Variants in KANK4 observed in about 807,000 individuals in gnomAD.
The protein encoded by KANK4 is KN motif and ankyrin repeat domain-containing protein 4.
KANK4 carries 50 observed loss-of-function variants against 80.8 expected under a neutral mutation model. That is an observed-to-expected ratio of 0.62 (90% confidence interval 0.49 to 0.78). The LOEUF (loss-of-function observed/expected upper bound fraction) is 0.78, where lower values mean the gene tolerates loss of function less well. Ranked by LOEUF, KANK4 falls within the 30% of genes least tolerant of loss-of-function variation. KANK4 has a pLI of 0.00. For missense variants in KANK4, 1,196 were observed against 1,240.1 expected, an observed-to-expected ratio of 0.96 and a Z score of 0.53; for synonymous variants, 465 against 506.9, an observed-to-expected ratio of 0.92 and a Z score of 1.11.
At chr1:62,272,934 GCTC>G in intron 3 of KANK4, 1 of 255,998 alleles carries the variant, frequency 3.9e-6, no homozygotes, top group Non-Finnish European at 7.3e-6. Context: ...GGGATTACAG[GCTC>G]CTGCCACCAT....
rs750293657 is a variant in KANK4, at chr1:62,273,461, G to C, written c.1643C>G (p.Pro548Arg). ...CGTTGGCGAGCTTGGTGGCCTTCCC[G>C]GGTGCTCCTTCCCTGGGAGATTGGA... The part of the protein sequence containing the change: ...TSSNLPGKEH[P>R]GRPPSSPTDA... Residue 548 changes from proline (P) to arginine (R), a missense_variant, in exon 3 of 10, where the codon CCG (proline) becomes CGG (arginine). Transcript: ENST00000371153. The C allele has an allele frequency of 1.2e-6, 2 of 1,613,900 alleles. No homozygotes were observed. Among genetic ancestry groups the C allele is most frequent in the Non-Finnish European group, 8.5e-7 (1 of 1,179,916 alleles).
chr1:62,305,453 C>T (rs183157546), intron 1 of KANK4, among the ~76,000 whole-genome samples: 4 of 152,140 alleles, frequency 2.6e-5, no homozygotes, highest in East Asian at 3.9e-4. Context: ...GGATTACAGG[C>T]GCCTGCCACC....
chr1:62,271,532 C>T lies in KANK4; in HGVS notation c.1958G>A (p.Arg653His), dbSNP rs141595340. 142 of 1,613,976 alleles carry T rather than the reference C, an allele frequency of 8.8e-5. No individual in the cohort carries two copies. The highest frequency in any genetic ancestry group is 2.7e-4 in the Admixed American group (16 of 60,002). ...SIMKKKDYGFRAGGNGTKKNL... is the reference protein window; with the variant it reads ...SIMKKKDYGFHAGGNGTKKNL... Reference sequence around the variant, plus strand: ...CTTTTTGGTCCCATTACCTCCTGCACGGAAGCCATAGTCTTTCTTTTTCAT... The same window carrying T: ...CTTTTTGGTCCCATTACCTCCTGCATGGAAGCCATAGTCTTTCTTTTTCAT... The change falls in exon 4 of 10, where the codon CGT becomes CAT. Residue 653 changes from arginine to histidine, a missense_variant. Arg to His is a conservative substitution (Grantham distance 29, BLOSUM62 0). Transcript: ENST00000371153.
chr1:62,254,639 C>T (rs1240916973), intron 7 of KANK4, among the ~76,000 whole-genome samples: 2 of 150,804 alleles, frequency 1.3e-5, no homozygotes, highest in Admixed American at 6.6e-5. Flanking sequence ...CTGCAACCTC[C>T]GCCTCCTGGG....
At chr1:62,309,454 A>C (rs1293049049) in intron 1 of KANK4, among the ~76,000 whole-genome samples, 1 of 152,216 alleles carries the variant, frequency 6.6e-6, no homozygotes, top group Non-Finnish European at 1.5e-5. Context: ...AATCCTCGAC[A>C]CACCAGTGAA....
At chr1:62,251,315 T>C (rs1176604256) in intron 8 of KANK4, among the ~76,000 whole-genome samples, 4 of 152,096 alleles carry the variant, frequency 2.6e-5, no homozygotes, top group Non-Finnish European at 5.9e-5. Context: ...GGCACAGAAG[T>C]CTCATGTCTT....
intron 7 of KANK4, among the ~76,000 whole-genome samples, chr1:62,260,565 A>G (rs1671861123): frequency 6.6e-6 from 1 of 151,944 alleles, no homozygotes; most frequent in Non-Finnish European, 1.5e-5. Flanking sequence ...AAGACACCCC[A>G]TCGCTGCCTT....
chr1:62,262,322 A>G (rs1301883039), intron 7 of KANK4, among the ~76,000 whole-genome samples: 1 of 152,202 alleles, frequency 6.6e-6, no homozygotes, highest in Non-Finnish European at 1.5e-5. Flanking sequence ...CATCACAGGA[A>G]TGCTGTGAAG....
At chr1:62,310,224 C>T (rs958992635) in intron 1 of KANK4, among the ~76,000 whole-genome samples, 2 of 152,236 alleles carry the variant, frequency 1.3e-5, no homozygotes, top group Non-Finnish European at 2.9e-5. Context: ...CACCCAGGGC[C>T]TGCCACCTGC....
chr1:62,253,409 C>CTTTTTTTTTTTTTTTT (rs34488630), intron 7 of KANK4, among the ~76,000 whole-genome samples, 200 bp from the exon 8 acceptor site: 2 of 110,982 alleles, frequency 1.8e-5, no homozygotes, highest in Non-Finnish European at 3.5e-5. Context: ...TTCTTTCTTT[C>CTTTTTTTTTTTTTTTT]TTTTTTTTTT....
intron 9 of KANK4, among the ~76,000 whole-genome samples, chr1:62,240,914 G>A (rs1041070440): frequency 6.6e-5 from 10 of 152,042 alleles, no homozygotes; most frequent in African/African-American, 2.4e-4. Context: ...ACAGAATTCT[G>A]AACTCTAAAC....
rs764675424 is a variant in KANK4, at chr1:62,267,919, G to A, written c.2231+368C>T. Among the ~76,000 whole-genome samples, 21 of 152,240 alleles carry A rather than the reference G, an allele frequency of 1.4e-4. 1 individual carries two copies. The highest frequency in any genetic ancestry group is 3.4e-4 in the African/African-American group (14 of 41,550). ...CCAGGGTCCCTATTCTGCTAGCTGC[G>A]TCCCCACACTTCCCTAAGTCTCTGT... On this transcript the variant is annotated intron_variant, in intron 5 of 9. Coordinates refer to ENST00000371153, the MANE Select transcript of KANK4 (RefSeq NM_181712.5).
chr1:62,247,446 A>T, intron 9 of KANK4, 26 bp downstream of exon 9: 1 of 1,608,850 alleles, frequency 6.2e-7, no homozygotes, highest in Non-Finnish European at 8.5e-7. Flanking sequence ...AGCAACAGCT[A>T]CTTGTTAATT....
chr1:62,266,683 G>T, intron 6 of KANK4, 49 bp downstream of exon 6: 1 of 1,297,132 alleles, frequency 7.7e-7, no homozygotes, highest in Admixed American at 1.7e-5. Context: ...CAGAGCTAAC[G>T]TCTTAAACAG....
intron 3 of KANK4, 187 bp from the exon 4 acceptor site, chr1:62,271,776 T>C: frequency 1.8e-6 from 1 of 544,534 alleles, no homozygotes; most frequent in Non-Finnish European, 3.3e-6. Context: ...CTGCTCAATG[T>C]TGGGAGAACT....
chr1:62,311,063 G>A (rs1161461458), intron 1 of KANK4, among the ~76,000 whole-genome samples: 3 of 152,098 alleles, frequency 2.0e-5, no homozygotes, highest in African/African-American at 7.2e-5. Context: ...AACAAGCAAA[G>A]GCCAGAGAGA....
chr1:62,282,418 C>A (rs1195221441), intron 1 of KANK4, among the ~76,000 whole-genome samples: 2 of 152,126 alleles, frequency 1.3e-5, no homozygotes, highest in Admixed American at 1.3e-4. Flanking sequence ...CCACATACAT[C>A]AGAATAATGA....
Position 62,274,246 on chromosome 1 carries a change from C to A in KANK4, c.858G>T (p.Pro286=). Residue 286 remains proline, a synonymous_variant, in exon 3 of 10, where the codon CCG becomes CCT. Coordinates refer to ENST00000371153, the MANE Select transcript of KANK4 (RefSeq NM_181712.5). ...CAGGGATGGGTGATGGCAGAGGTGG[C>A]GGGCTTGGCGTAGGGGAGCCAGGGG... ...LFTPGSPTPS[P]PPLPSPIPEN... 3 of 1,613,824 alleles carry A rather than the reference C, an allele frequency of 1.9e-6. No homozygotes were observed. The highest frequency in any genetic ancestry group is 1.1e-5 in the South Asian group (1 of 91,028).
chr1:62,317,054 C>T (rs1054529188), intron 1 of KANK4, among the ~76,000 whole-genome samples: 2 of 152,126 alleles, frequency 1.3e-5, no homozygotes, highest in East Asian at 1.9e-4. Flanking sequence ...GCAAAGGCAA[C>T]GCGTGGCCCA....
Sources: allele counts gnomAD v4.1 joint callset (sites outside exome capture counted in the v4.1 genomes callset), GRCh38; gene constraint gnomAD v4.1.1; transcripts MANE v1.5; gene names NCBI Gene and HGNC (gene_info 2026-07-23, HGNC 2026-07-21).